The following STK35 variants were observed in gnomAD, a reference collection of about 807,000 sequenced individuals.
STK35 encodes serine/threonine-protein kinase 35.
A neutral mutation model predicts 37.3 loss-of-function variants in STK35; 17 were observed. The ratio of observed to expected loss-of-function variants is 0.46; its 90% CI spans 0.31 to 0.68. STK35 has a LOEUF of 0.68. STK35 is among the 30% of genes least tolerant of loss of function. The pLI is 0.05. For synonymous variants in STK35, 385 were observed against 319.1 expected (o/e 1.21, Z -2.20); for missense variants, 595 against 746.7 (o/e 0.80, Z 2.37).
intron 3 of STK35, among the ~76,000 whole-genome samples, chr20:2,136,177 A>T (rs1406337684): frequency 1.3e-5 from 2 of 152,140 alleles, no homozygotes; most frequent in Non-Finnish European, 2.9e-5. Context: ...CGTGAAACAG[A>T]TGTATTTGCC....
At chr20:2,125,796 G>A (rs1395894094) in intron 3 of STK35, among the ~76,000 whole-genome samples, 1 of 152,242 alleles carries the variant, frequency 6.6e-6, no homozygotes, top group Admixed American at 6.5e-5. Flanking sequence ...TGGCAGCAGA[G>A]AAGGCAGGAG....
chr20:2,109,735 A>G (rs1301419558), intron 2 of STK35, among the ~76,000 whole-genome samples: 1 of 152,202 alleles, frequency 6.6e-6, no homozygotes, highest in Non-Finnish European at 1.5e-5. Flanking sequence ...GGTGCTTTGT[A>G]TGTCACAGTT....
chr20:2,131,628 C>T (rs1487894750), intron 3 of STK35, among the ~76,000 whole-genome samples: 1 of 152,146 alleles, frequency 6.6e-6, no homozygotes, highest in Non-Finnish European at 1.5e-5. Flanking sequence ...GAATTTCTTT[C>T]TTTAAAAATA....
At chr20:2,104,537 G>A (rs1041934634) in intron 2 of STK35, among the ~76,000 whole-genome samples, 1 of 152,078 alleles carries the variant, frequency 6.6e-6, no homozygotes. Context: ...GTCTTGATTC[G>A]AGGCCTGGAT....
chr20:2,114,974 A>T (rs1985688937), intron 2 of STK35, among the ~76,000 whole-genome samples: 1 of 152,116 alleles, frequency 6.6e-6, no homozygotes, highest in Non-Finnish European at 1.5e-5. Flanking sequence ...CTTCAGATTG[A>T]TGCTTCATTG....
intron 3 of STK35, among the ~76,000 whole-genome samples, chr20:2,130,378 C>T (rs975870117): frequency 2.0e-5 from 3 of 152,168 alleles, no homozygotes; most frequent in Non-Finnish European, 2.9e-5. Context: ...TCTTGGTAAT[C>T]AGCTTCTCAT....
In STK35 at chr20:2,145,815, G is replaced by A. The variant is rs1986254842; in HGVS notation, c.*2069G>A. ...GCTGTCTCTCTGTACATGAGCAAAT[G>A]GGCAAAAACAGTCCCCAAACCCAGC... On this transcript the variant is annotated 3_prime_UTR_variant, in exon 4 of 4. Transcript: ENST00000381482. 1.3e-5 allele frequency: 2 copies of A among 152,086 alleles called. No individual in the cohort carries two copies. The highest frequency in any genetic ancestry group is 4.8e-5 in the African/African-American group (2 of 41,340). The allele number at this position is 152,086 out of a possible 1,614,324, so 9.4% of individuals were successfully genotyped here. A position where few individuals can be genotyped will look rare whatever the true frequency, so the allele number is the denominator to read the frequency against.
chr20:2,102,711 T>G, intron 1 of STK35, 57 bp from the exon 2 acceptor site: 1 of 1,316,400 alleles, frequency 7.6e-7, no homozygotes, highest in Non-Finnish European at 9.7e-7. Flanking sequence ...CCCCGCGGCC[T>G]ACGCTCCTGG....
intron 3 of STK35, among the ~76,000 whole-genome samples, chr20:2,123,422 C>T (rs993154125): frequency 6.6e-6 from 1 of 152,100 alleles, no homozygotes; most frequent in Non-Finnish European, 1.5e-5. Flanking sequence ...CCTTGACCTG[C>T]GCTTCAGATT....
At chr20:2,126,457 CAG>C in intron 3 of STK35, among the ~76,000 whole-genome samples, 1 of 152,126 alleles carries the variant, frequency 6.6e-6, no homozygotes, top group Non-Finnish European at 1.5e-5. Context: ...AGCCACATCT[CAG>C]GGTACATACT....
intron 2 of STK35, among the ~76,000 whole-genome samples, chr20:2,112,257 T>G (rs370436092): frequency 6.6e-6 from 1 of 152,286 alleles, no homozygotes; most frequent in African/African-American, 2.4e-5. Context: ...TGGCCTCACG[T>G]TTTTCAGCGA....
intron 2 of STK35, among the ~76,000 whole-genome samples, chr20:2,114,815 A>C (rs1985686032): frequency 6.6e-6 from 1 of 152,156 alleles, no homozygotes; most frequent in Admixed American, 6.5e-5. Context: ...CTCTTCCTTT[A>C]TTCCCCCACC....
intron 3 of STK35, among the ~76,000 whole-genome samples, chr20:2,131,748 G>T (rs1003814934): frequency 6.6e-6 from 1 of 151,842 alleles, no homozygotes; most frequent in Non-Finnish European, 1.5e-5. Context: ...ACAGGGTCGC[G>T]CTCTGTCACC....
At chr20:2,106,478 A>G (rs932640914) in intron 2 of STK35, among the ~76,000 whole-genome samples, 5 of 152,248 alleles carry the variant, frequency 3.3e-5, no homozygotes, top group African/African-American at 1.2e-4. Context: ...AATGGAACTT[A>G]CATTTGAAAA....
chr20:2,104,560 G>C (rs147867273), intron 2 of STK35, among the ~76,000 whole-genome samples: 1 of 152,162 alleles, frequency 6.6e-6, no homozygotes, highest in Non-Finnish European at 1.5e-5. Flanking sequence ...TTTCGAAGGC[G>C]TAATGCTGTT....
chr20:2,136,812 C>A (rs1019541171), intron 3 of STK35, among the ~76,000 whole-genome samples: 1 of 152,214 alleles, frequency 6.6e-6, no homozygotes, highest in South Asian at 2.1e-4. Flanking sequence ...AAGGTTGGAG[C>A]ACACGACAAG....
intron 3 of STK35, among the ~76,000 whole-genome samples, chr20:2,118,578 TCTC>T (rs1985760996): frequency 7.4e-6 from 1 of 134,952 alleles, no homozygotes; most frequent in Admixed American, 7.8e-5. Context: ...CGAGACTCCG[TCTC>T]AAAAAAAAAA....
Position 2,108,706 on chromosome 20 carries a change from A to G in STK35, c.892+5341A>G, listed in dbSNP as rs982305295. On this transcript the variant is annotated intron_variant, in intron 2 of 3. Coordinates refer to ENST00000381482, the MANE Select transcript of STK35 (RefSeq NM_080836.4). Reference sequence around the variant, plus strand: ...TCCTGACCGACTACTTTTTATGTGCATTGGGGATTTTAGGTACCAGCCCCA... The same window carrying G: ...TCCTGACCGACTACTTTTTATGTGCGTTGGGGATTTTAGGTACCAGCCCCA... 2.6e-5 allele frequency among the ~76,000 whole-genome samples: 4 copies of G among 152,232 alleles called. 1 individual carries two copies. The highest frequency in any genetic ancestry group is 4.1e-4 in the South Asian group (2 of 4,820).
intron 3 of STK35, among the ~76,000 whole-genome samples, chr20:2,136,197 C>T (rs919935768): frequency 2.0e-5 from 3 of 152,162 alleles, no homozygotes; most frequent in African/African-American, 4.8e-5. Flanking sequence ...CAAAGTTGGC[C>T]GTCTTCTTCC....
Sources: allele counts gnomAD v4.1 joint callset (sites outside exome capture counted in the v4.1 genomes callset), GRCh38; gene constraint gnomAD v4.1.1; transcripts MANE v1.5; gene names NCBI Gene and HGNC (gene_info 2026-07-23, HGNC 2026-07-21).